SMAD7: variants seen among roughly 807,000 people sequenced by gnomAD.
SMAD7 encodes the protein MAD (mothers against decapentaplegic, Drosophila) homolog 7.
SMAD7 carries 8 observed loss-of-function variants against 38.7 expected under a neutral mutation model. The ratio of observed to expected loss-of-function variants is 0.21; its 90% CI spans 0.12 to 0.37. The LOEUF (loss-of-function observed/expected upper bound fraction) is 0.37, where lower values mean the gene tolerates loss of function less well. Ranked by LOEUF, SMAD7 falls within the 10% of genes least tolerant of loss-of-function variation. The probability of loss-of-function intolerance (pLI) is 1.00; values close to 1 mark genes in which losing one functional copy is unlikely to be tolerated. For synonymous variants in SMAD7, 327 were observed against 265.1 expected (o/e 1.23, Z -2.27); for missense variants, 477 against 577.9 (o/e 0.83, Z 1.79).
In SMAD7 at chr18:48,921,253, CA is replaced by C. The variant is rs370493054; in HGVS notation, c.*118del. ...GAGAAGAAGAAAACCAACCAACAAA[CA>C]AAAAAAAAACGACCAAAGAGTTTGC... On this transcript the variant is annotated 3_prime_UTR_variant, in exon 4 of 4. Transcript: ENST00000262158. The surrounding 1 kb of genome is among the most constrained non-coding windows in gnomAD (Gnocchi z 6.4). The C allele has an allele frequency of 4.3e-3, 3,327 of 770,404 alleles. 1 individual carries two copies. The highest frequency in any genetic ancestry group is 6.9e-3 in the Admixed American group (230 of 33,478). 47.7% of individuals were successfully genotyped at this position (770,404 alleles called of 1,614,324 possible).
chr18:48,944,477 A>G (rs1052424251), intron 2 of SMAD7, among the ~76,000 whole-genome samples: 3 of 152,224 alleles, frequency 2.0e-5, no homozygotes, highest in African/African-American at 7.2e-5. Flanking sequence ...AGGGATTTAC[A>G]AACGTTAATT....
chr18:48,931,507 A>C (rs962318336), intron 3 of SMAD7, among the ~76,000 whole-genome samples: 4 of 152,226 alleles, frequency 2.6e-5, no homozygotes, highest in Non-Finnish European at 5.9e-5. Flanking sequence ...TTTTCTGAAC[A>C]GAGTCCTCAG....
chr18:48,942,540 G>A lies in SMAD7; in HGVS notation c.683C>T (p.Ala228Val), dbSNP rs1277828453. ...FLKPTADCPD[A>V]VPSSAETGGT... ...CCCTGTTTCAGCGGAGGAAGGCACA[G>A]CATCTGGACAGTCTGCTGTGGATTT... The change falls in exon 3 of 4, where the codon GCT becomes GTT. Residue 228 changes from alanine to valine, a missense_variant. Physicochemically the swap from Ala to Val is moderately conservative, Grantham distance 64. Transcript: ENST00000262158. 2 of 1,612,358 alleles carry A rather than the reference G, an allele frequency of 1.2e-6. No individual in the cohort carries two copies. Among genetic ancestry groups the A allele is most frequent in the Admixed American group, 1.7e-5 (1 of 59,668 alleles).
rs868819134 is a variant in SMAD7, at chr18:48,926,657, C to T, written c.743-4747G>A. ...CAAATGAAGGGCAGAAATGTGGACA[C>T]AGACAGCTTGCACCTGGCAACCTGG... is the stretch of plus-strand genomic sequence containing the variant. On this transcript the variant is annotated intron_variant, in intron 3 of 3. Transcript: ENST00000262158. 2.0e-5 allele frequency among the ~76,000 whole-genome samples: 3 copies of T among 152,222 alleles called. 1 individual carries two copies. The highest frequency in any genetic ancestry group is 4.1e-4 in the South Asian group (2 of 4,836).
At chr18:48,947,373 G>C (rs970461416) in intron 2 of SMAD7, among the ~76,000 whole-genome samples, 30 of 152,310 alleles carry the variant, frequency 2.0e-4, no homozygotes, top group African/African-American at 6.7e-4. Flanking sequence ...TGGGGGGAAA[G>C]GCCCAACAGC....
chr18:48,938,618 C>T (rs1352452755), intron 3 of SMAD7, among the ~76,000 whole-genome samples: 2 of 152,160 alleles, frequency 1.3e-5, no homozygotes, highest in Non-Finnish European at 2.9e-5. Context: ...GCTGAATAAC[C>T]TACAACTCAC....
intron 3 of SMAD7, among the ~76,000 whole-genome samples, chr18:48,934,199 G>A (rs1017511096): frequency 6.6e-6 from 1 of 152,124 alleles, no homozygotes; most frequent in Non-Finnish European, 1.5e-5. Flanking sequence ...CCAAAGCACA[G>A]CACCGTTACT....
At chr18:48,944,757 A>G (rs1411383903) in intron 2 of SMAD7, among the ~76,000 whole-genome samples, 2 of 152,148 alleles carry the variant, frequency 1.3e-5, no homozygotes, top group Non-Finnish European at 2.9e-5. Flanking sequence ...GCATAGACAG[A>G]TCTCTGAAGT....
chr18:48,938,098 C>G (rs1388480117), intron 3 of SMAD7, among the ~76,000 whole-genome samples: 3 of 152,212 alleles, frequency 2.0e-5, no homozygotes, highest in African/African-American at 2.4e-5. Context: ...GCAATGTTTC[C>G]TAAGCTACTT....
chr18:48,941,122 G>C (rs80106656), intron 3 of SMAD7, among the ~76,000 whole-genome samples: 5,464 of 152,026 alleles, frequency 0.036, 326 homozygotes, highest in African/African-American at 0.12. Context: ...CCTCTCATTG[G>C]CCTTCTTTCT....
At chr18:48,932,370 G>C (rs1294836961) in intron 3 of SMAD7, among the ~76,000 whole-genome samples, 1 of 152,222 alleles carries the variant, frequency 6.6e-6, no homozygotes, top group East Asian at 1.9e-4. Flanking sequence ...TTGAGTGACA[G>C]TCGCAGATCA....
chr18:48,945,288 C>T (rs2070183223), intron 2 of SMAD7, among the ~76,000 whole-genome samples: 1 of 152,158 alleles, frequency 6.6e-6, no homozygotes, highest in Admixed American at 6.5e-5. Context: ...CGGTGAAACC[C>T]CGTCTCTACT....
chr18:48,931,145 G>A (rs1321565873), intron 3 of SMAD7, among the ~76,000 whole-genome samples: 1 of 152,138 alleles, frequency 6.6e-6, no homozygotes, highest in Non-Finnish European at 1.5e-5. Flanking sequence ...AGAATGGTGG[G>A]TGCCAAGTGC....
chr18:48,950,566 G>T lies in SMAD7; in HGVS notation c.-142C>A. ...AGCAGCAGGGGCCCGGGCAGGAGCGGCGGCGGCCCGAGGGGCGCTCCGTGG... is the reference window on the plus strand; with the variant it reads ...AGCAGCAGGGGCCCGGGCAGGAGCGTCGGCGGCCCGAGGGGCGCTCCGTGG... On this transcript the variant is annotated 5_prime_UTR_variant, in exon 1 of 4. Coordinates refer to ENST00000262158, the MANE Select transcript of SMAD7 (RefSeq NM_005904.4). The T allele has an allele frequency of 1.3e-6, 1 of 751,954 alleles. No homozygotes were observed. The highest frequency in any genetic ancestry group is 1.9e-6 in the Non-Finnish European group (1 of 529,322). 46.6% of individuals were successfully genotyped at this position (751,954 alleles called of 1,614,324 possible).
rs558304298 is a variant in SMAD7, at chr18:48,927,961, T to C, written c.743-6051A>G. 5.9e-5 allele frequency among the ~76,000 whole-genome samples: 9 copies of C among 152,328 alleles called. No individual in the cohort carries two copies. In the East Asian group the frequency reaches 1.7e-3, roughly 29 times the overall value. ...AGAGCTGCAATTCAAGCCCAGAATA[T>C]TGCCTGGTGTGAGCTGTGGACACAG... On this transcript the variant is annotated intron_variant, in intron 3 of 3. Transcript: ENST00000262158.
chr18:48,929,586 C>CACACACACACACAT, intron 3 of SMAD7, among the ~76,000 whole-genome samples: 1 of 151,214 alleles, frequency 6.6e-6, no homozygotes, highest in Admixed American at 6.6e-5. Flanking sequence ...CACACACACA[C>CACACACACACACAT]ACACACACAC....
chr18:48,923,072 G>A (rs548260580), intron 3 of SMAD7, among the ~76,000 whole-genome samples: 20 of 152,348 alleles, frequency 1.3e-4, no homozygotes, highest in African/African-American at 4.6e-4. Flanking sequence ...CCAGACTGCA[G>A]GAACGCTGTG....
At chr18:48,922,455 T>G (rs550075029) in intron 3 of SMAD7, among the ~76,000 whole-genome samples, 24 of 152,158 alleles carry the variant, frequency 1.6e-4, no homozygotes, top group Non-Finnish European at 3.2e-4. Context: ...TATGCGATGG[T>G]CTCTGGGTGC....
At chr18:48,943,517 C>CA (rs1345736656) in intron 2 of SMAD7, among the ~76,000 whole-genome samples, 1 of 152,194 alleles carries the variant, frequency 6.6e-6, no homozygotes, top group Non-Finnish European at 1.5e-5. Context: ...TCATTAGTCC[C>CA]ATGAAACACA....
Sources: allele counts gnomAD v4.1 joint callset (sites outside exome capture counted in the v4.1 genomes callset), GRCh38; gene constraint gnomAD v4.1.1; non-coding constraint Gnocchi (gnomAD v3.1); transcripts MANE v1.5; gene names NCBI Gene and HGNC (gene_info 2026-07-23, HGNC 2026-07-21).